The following INSC variants were observed in gnomAD, a reference collection of about 807,000 sequenced individuals.
INSC encodes the protein protein inscuteable homolog.
Under a neutral mutation model 58.6 loss-of-function variants are expected in INSC, and 67 were observed. The ratio of observed to expected loss-of-function variants is 1.14; its 90% CI spans 0.94 to 1.40. The LOEUF is 1.40. INSC is among the 40% of genes most tolerant of loss of function. The pLI, the probability that INSC is intolerant of heterozygous loss-of-function variation, is 0.00. For synonymous variants in INSC, 262 were observed against 276.1 expected, an observed-to-expected ratio of 0.95 and a Z score of 0.51; for missense variants, 714 against 692.0, an observed-to-expected ratio of 1.03 and a Z score of -0.36.
intron 8 of INSC, 32 bp downstream of exon 8, chr11:15,221,680 A>T: frequency 6.3e-7 from 1 of 1,578,118 alleles, no homozygotes; most frequent in Non-Finnish European, 8.6e-7. Flanking sequence ...GACCACTAGG[A>T]GAGAGGGCCT....
At chr11:15,140,598 T>TC (rs1785108857) in intron 1 of INSC, among the ~76,000 whole-genome samples, 2 of 151,216 alleles carry the variant, frequency 1.3e-5, no homozygotes, top group Non-Finnish European at 2.9e-5. Context: ...TTTTTTTTTT[T>TC]CTTTTAGAGG....
chr11:15,255,546 C>T, the INSC span, among the ~76,000 whole-genome samples: 1 of 152,146 alleles, frequency 6.6e-6, no homozygotes, highest in African/African-American at 2.4e-5. Flanking sequence ...CCTTTGGGAA[C>T]AAATGCTTTA....
At chr11:15,215,830 G>A (rs1157951921) in intron 7 of INSC, among the ~76,000 whole-genome samples, 1 of 152,190 alleles carries the variant, frequency 6.6e-6, no homozygotes, top group East Asian at 1.9e-4. Flanking sequence ...CCTCTTCTGG[G>A]TGAGGGAGGT....
chr11:15,155,613 A>G (rs1037662031), intron 2 of INSC, among the ~76,000 whole-genome samples: 1 of 152,194 alleles, frequency 6.6e-6, no homozygotes, highest in Non-Finnish European at 1.5e-5. Context: ...TGGGGTGCTT[A>G]GTACGTTTTG....
chr11:15,180,361 C>G (rs1285742941), intron 5 of INSC, among the ~76,000 whole-genome samples: 1 of 152,106 alleles, frequency 6.6e-6, no homozygotes, highest in Non-Finnish European at 1.5e-5. Flanking sequence ...AATTAGTCAT[C>G]AGTGCTTTCT....
intron 1 of INSC, among the ~76,000 whole-genome samples, chr11:15,136,319 G>A (rs1041507265): frequency 6.6e-6 from 1 of 152,164 alleles, no homozygotes; most frequent in African/African-American, 2.4e-5. Flanking sequence ...TTTTGCTGGT[G>A]GAGAGTCTTG....
chr11:15,187,368 A>G (rs2133853072), intron 5 of INSC, among the ~76,000 whole-genome samples: 1 of 152,346 alleles, frequency 6.6e-6, no homozygotes, highest in African/African-American at 2.4e-5. Flanking sequence ...ATTTTTAACC[A>G]TCTTTAATCT....
At chr11:15,203,122 T>C (rs1482362765) in intron 7 of INSC, among the ~76,000 whole-genome samples, 2 of 152,224 alleles carry the variant, frequency 1.3e-5, no homozygotes, top group Non-Finnish European at 2.9e-5. Flanking sequence ...TTAAGTGACT[T>C]GCCTAAATAA....
In INSC at chr11:15,117,865, CTG is replaced by C. The variant is rs1276705930; in HGVS notation, c.-46+2865_-46+2866del. Among the ~76,000 whole-genome samples the C allele has an allele frequency of 3.3e-5, 5 of 152,280 alleles. No individual in the cohort carries two copies. The South Asian group carries it at 1.0e-3, about 32-fold the overall frequency. On this transcript the variant is annotated intron_variant, in intron 1 of 12. Transcript: ENST00000379556. ...TAGCTCTGGGACATAATGCCCATCTCTGTGCTGGCTCAGACAAGGGGGATAGT... is the reference window on the plus strand; with the variant it reads ...TAGCTCTGGGACATAATGCCCATCTCTGCTGGCTCAGACAAGGGGGATAGT...
chr11:15,114,942 G>A lies in INSC; in HGVS notation c.-107G>A, dbSNP rs567184617. ...GCGGCCACTTTGCGCGCGGCCTCTG[G>A]AGCTCCAGCTGCGCCCCGCCACCAC... On this transcript the variant is annotated 5_prime_UTR_variant, in exon 1 of 13. Transcript: ENST00000379556. 2 of 985,344 alleles carry A rather than the reference G, an allele frequency of 2.0e-6. No individual in the cohort carries two copies. Among genetic ancestry groups the A allele is most frequent in the East Asian group, 2.3e-4 (2 of 8,816 alleles). 61.0% of individuals were successfully genotyped at this position (985,344 alleles called of 1,614,324 possible).
At chr11:15,160,264 A>G (rs1212174999) in intron 2 of INSC, among the ~76,000 whole-genome samples, 1 of 152,208 alleles carries the variant, frequency 6.6e-6, no homozygotes, top group Admixed American at 6.5e-5. Flanking sequence ...GACCTCAATG[A>G]TGTGTAGAAG....
At chr11:15,199,515 C>T (rs1200558375) in intron 6 of INSC, among the ~76,000 whole-genome samples, 2 of 152,244 alleles carry the variant, frequency 1.3e-5, no homozygotes, top group East Asian at 1.9e-4. Context: ...ATTGCCCATT[C>T]GTTGTTTTAT....
chr11:15,116,849 C>CTTTCTTTATT (rs760988315), intron 1 of INSC, among the ~76,000 whole-genome samples: 2 of 23,774 alleles, frequency 8.4e-5, no homozygotes, highest in Non-Finnish European at 1.5e-4. Flanking sequence ...TTCTTTCTTT[C>CTTTCTTTATT]TCTCTCTCTC....
At chr11:15,176,211 A>G in intron 3 of INSC, 125 bp downstream of exon 3, 2 of 760,112 alleles carry the variant, frequency 2.6e-6, no homozygotes, top group South Asian at 4.5e-5. Context: ...CTTCCAGTAA[A>G]GGAGGAAAGA....
chr11:15,235,600 A>G lies in INSC; in HGVS notation c.1171-2A>G. ...CTGAGGTTTCTAAATTATCTTTTCC[A>G]GATTGTGACCATCTTGGCAAACATG... is the stretch of plus-strand genomic sequence containing the variant. On this transcript the variant is annotated splice_acceptor_variant, in intron 9 of 12. Coordinates refer to ENST00000379556, the MANE Select transcript of INSC (RefSeq NM_001042536.3). LOFTEE classifies it high-confidence loss of function. The G allele has an allele frequency of 6.2e-7, 1 of 1,613,120 alleles. No individual in the cohort carries two copies.
chr11:15,189,296 A>G (rs573060583), intron 5 of INSC, among the ~76,000 whole-genome samples: 2 of 152,320 alleles, frequency 1.3e-5, no homozygotes, highest in Non-Finnish European at 2.9e-5. Flanking sequence ...GAAATCCTTT[A>G]TATATATTGA....
chr11:15,123,223 AG>A (rs1469003156), intron 1 of INSC, among the ~76,000 whole-genome samples: 2 of 152,236 alleles, frequency 1.3e-5, no homozygotes, highest in African/African-American at 4.8e-5. Flanking sequence ...CATTTTATAA[AG>A]TTTTAAAACA....
At chr11:15,168,631 A>G (rs567226112) in intron 2 of INSC, among the ~76,000 whole-genome samples, 62 of 152,278 alleles carry the variant, frequency 4.1e-4, no homozygotes, top group Non-Finnish European at 8.1e-4. Context: ...ACTTAATTTA[A>G]TTCTTCCATC....
intron 6 of INSC, among the ~76,000 whole-genome samples, chr11:15,199,376 C>A (rs1177250755): frequency 6.6e-6 from 1 of 152,132 alleles, no homozygotes; most frequent in Non-Finnish European, 1.5e-5. Flanking sequence ...TCATCTTGAC[C>A]CCTGAAGTGA....
Sources: allele counts gnomAD v4.1 joint callset (sites outside exome capture counted in the v4.1 genomes callset), GRCh38; gene constraint gnomAD v4.1.1; transcripts MANE v1.5; gene names NCBI Gene and HGNC (gene_info 2026-07-23, HGNC 2026-07-21).